Variants in C9orf85 observed in about 807,000 individuals in gnomAD.
C9orf85 encodes the protein uncharacterized protein C9orf85.
C9orf85 carries 16 observed loss-of-function variants against 14.9 expected under a neutral mutation model. The ratio of observed to expected loss-of-function variants is 1.08; its 90% CI spans 0.73 to 1.63. The LOEUF (loss-of-function observed/expected upper bound fraction) is 1.63, where lower values mean the gene tolerates loss of function less well. Among genes scored for constraint, C9orf85 ranks in the 40% most tolerant of loss-of-function variants. The pLI, the probability that C9orf85 is intolerant of heterozygous loss-of-function variation, is 0.00. For synonymous variants in C9orf85, 45 were observed against 56.8 expected (o/e 0.79, Z 0.93); for missense variants, 172 against 186.1 (o/e 0.92, Z 0.44).
At chr9:71,982,497 A>G (rs1305247083) in intron 3 of C9orf85, among the ~76,000 whole-genome samples, 1 of 152,166 alleles carries the variant, frequency 6.6e-6, no homozygotes, top group Non-Finnish European at 1.5e-5. Context: ...ACCCTTTTAC[A>G]ATCCTAGAGC....
chr9:71,944,731 G>A (rs1359811906), intron 1 of C9orf85, among the ~76,000 whole-genome samples: 1 of 152,042 alleles, frequency 6.6e-6, no homozygotes, highest in Non-Finnish European at 1.5e-5. Context: ...GGTAAAACAG[G>A]TATATACTTT....
At chr9:71,963,496 C>T (rs1822584166) in intron 2 of C9orf85, among the ~76,000 whole-genome samples, 3 of 152,188 alleles carry the variant, frequency 2.0e-5, no homozygotes, top group Admixed American at 6.5e-5. Flanking sequence ...TCTGGGCTGG[C>T]CAAGTCTGGA....
At chr9:71,918,048 T>TACCAC (rs1483032186) in intron 1 of C9orf85, among the ~76,000 whole-genome samples, 1 of 151,844 alleles carries the variant, frequency 6.6e-6, no homozygotes, top group African/African-American at 2.4e-5. Context: ...CCAGGCGTGG[T>TACCAC]GGTGGCCGCC....
chr9:71,957,354 A>G (rs962329163), intron 2 of C9orf85, among the ~76,000 whole-genome samples: 1 of 152,188 alleles, frequency 6.6e-6, no homozygotes, highest in African/African-American at 2.4e-5. Context: ...TTAAGCATTG[A>G]GTTAAATTTT....
intron 2 of C9orf85, among the ~76,000 whole-genome samples, chr9:71,950,363 A>G (rs1822213601): frequency 1.8e-5 from 1 of 57,006 alleles, no homozygotes; most frequent in African/African-American, 7.1e-5. Context: ...TACTGGATAT[A>G]CCTTTTGTCT....
intron 2 of C9orf85, among the ~76,000 whole-genome samples, chr9:71,959,810 C>T (rs1422691046): frequency 2.6e-5 from 4 of 152,128 alleles, no homozygotes; most frequent in Admixed American, 2.0e-4. Context: ...TCTCTAGGAA[C>T]AGTCCATGGT....
At chr9:71,976,473 TA>T (rs1043767542), downstream of C9orf85, among the ~76,000 whole-genome samples, 1 of 152,040 alleles carries the variant, frequency 6.6e-6, no homozygotes, top group African/African-American at 2.4e-5. Context: ...CCATCCTGGC[TA>T]ACGTGGTGAA....
chr9:71,945,224 A>G (rs1822053576), intron 1 of C9orf85, among the ~76,000 whole-genome samples: 1 of 152,258 alleles, frequency 6.6e-6, no homozygotes, highest in Non-Finnish European at 1.5e-5. Context: ...TCTAGACGAC[A>G]GAGAAGACAA....
At chr9:71,972,616 TA>T in intron 3 of C9orf85, 75 bp from the exon 4 acceptor site, 1 of 1,122,408 alleles carries the variant, frequency 8.9e-7, no homozygotes, top group Non-Finnish European at 1.3e-6. Context: ...AGTGTAGTGG[TA>T]AAAGTCTTTT....
At chr9:71,912,214 AT>A (rs879724968) in intron 1 of C9orf85, among the ~76,000 whole-genome samples, 1 of 151,482 alleles carries the variant, frequency 6.6e-6, no homozygotes, top group African/African-American at 2.4e-5. Context: ...TGCAGCTACG[AT>A]TTTTTTTTCC....
downstream of C9orf85, among the ~76,000 whole-genome samples, chr9:71,976,639 G>A (rs538717666): frequency 2.0e-5 from 3 of 148,910 alleles, no homozygotes; most frequent in African/African-American, 7.5e-5. Context: ...TCCAGCCTGG[G>A]ACACAGAGCG....
intron 1 of C9orf85, among the ~76,000 whole-genome samples, chr9:71,922,194 C>A (rs1827826871): frequency 6.6e-6 from 1 of 152,116 alleles, no homozygotes; most frequent in Non-Finnish European, 1.5e-5. Context: ...CTGCCTCAGT[C>A]TCCCAAAGTG....
At chr9:71,963,452 C>G (rs939468592) in intron 2 of C9orf85, among the ~76,000 whole-genome samples, 2 of 152,094 alleles carry the variant, frequency 1.3e-5, no homozygotes, top group Non-Finnish European at 2.9e-5. Flanking sequence ...CTTGAGGAGC[C>G]CTTCAGCCCA....
chr9:71,979,268 G>T (rs578257290), intron 3 of C9orf85, among the ~76,000 whole-genome samples: 4 of 152,126 alleles, frequency 2.6e-5, no homozygotes, highest in African/African-American at 9.7e-5. Flanking sequence ...CCTTCGTGAC[G>T]TTATGTTATG....
At chr9:71,915,321 C>T (rs1422131628) in intron 1 of C9orf85, among the ~76,000 whole-genome samples, 2 of 151,752 alleles carry the variant, frequency 1.3e-5, no homozygotes, top group Non-Finnish European at 2.9e-5. Flanking sequence ...GCTGGGATTT[C>T]AGGGGCACAC....
downstream of C9orf85, among the ~76,000 whole-genome samples, chr9:71,978,255 GC>G (rs201599369): frequency 9.6e-3 from 1,459 of 152,182 alleles, 26 homozygotes; most frequent in African/African-American, 0.033. Context: ...GATTACAGGT[GC>G]CCGCCACCAT....
At chr9:71,975,620 G>A (rs1822985139), downstream of C9orf85, among the ~76,000 whole-genome samples, 2 of 152,134 alleles carry the variant, frequency 1.3e-5, no homozygotes. Flanking sequence ...ATCACCTGAG[G>A]TCGGGAGTTC....
chr9:71,946,781 G>C (rs992859967), intron 1 of C9orf85, among the ~76,000 whole-genome samples: 2 of 147,810 alleles, frequency 1.4e-5, no homozygotes, highest in Admixed American at 1.3e-4. Flanking sequence ...GCGACAGAGT[G>C]AGACTCTGTC....
At chr9:71,976,401 G>C (rs2132372127), downstream of C9orf85, among the ~76,000 whole-genome samples, 1 of 152,280 alleles carries the variant, frequency 6.6e-6, no homozygotes, top group Non-Finnish European at 1.5e-5. Context: ...GGTGGCTCAT[G>C]CCTGTAATCC....
Sources: allele counts gnomAD v4.1 joint callset (sites outside exome capture counted in the v4.1 genomes callset), GRCh38; gene constraint gnomAD v4.1.1; transcripts MANE v1.5; gene names NCBI Gene and HGNC (gene_info 2026-07-23, HGNC 2026-07-21).